KAT5: variants seen among roughly 807,000 people sequenced by gnomAD.
KAT5 encodes lysine acetyltransferase 5, also known as histone acetyltransferase KAT5.
In KAT5, 31 loss-of-function variants were observed where a neutral mutation model predicts 68.1. The observed-to-expected ratio is 0.46, with a 90% CI of 0.34 to 0.61. The LOEUF is 0.61. Ranked by LOEUF, KAT5 falls within the 20% of genes least tolerant of loss-of-function variation. The pLI is 0.01. For synonymous variants in KAT5, 365 were observed against 292.6 expected, an observed-to-expected ratio of 1.25 and a Z score of -2.52; for missense variants, 451 against 725.5, an observed-to-expected ratio of 0.62 and a Z score of 4.35.
At chr11:65,714,078 C>G (rs913004753) in intron 6 of KAT5, 7 of 562,240 alleles carry the variant, frequency 1.2e-5, no homozygotes, top group African/African-American at 1.1e-4. Flanking sequence ...GCTGGTGGAT[C>G]ACCTGAGGTC....
chr11:65,714,160 G>A (rs562608020), intron 6 of KAT5: 36 of 506,202 alleles, frequency 7.1e-5, no homozygotes, highest in Non-Finnish European at 1.1e-4. Flanking sequence ...TTAGCCAGGC[G>A]TGGTGGCGGG....
chr11:65,718,546 C>T (rs1235253878), intron 10 of KAT5, 44 bp from the exon 11 acceptor site: 3 of 1,584,634 alleles, frequency 1.9e-6, no homozygotes, highest in Admixed American at 1.8e-5. Flanking sequence ...TGCTTATGTT[C>T]ATCTGTGACC....
chr11:65,712,734 G>C, intron 1 of KAT5, 32 bp from the exon 2 acceptor site: 3 of 1,612,470 alleles, frequency 1.9e-6, no homozygotes, highest in Non-Finnish European at 2.5e-6. Context: ...AGCCTGGCCT[G>C]TCTAAGGCCC....
At position 65,718,721 on chromosome 11, in the gene KAT5, A is replaced by T. The variant is rs780551642; in HGVS notation, c.1396A>T (p.Ser466Cys). 6.2e-7 allele frequency: 1 copy of T among 1,614,054 alleles called. No homozygotes were observed. The highest frequency in any genetic ancestry group is 2.2e-5 in the East Asian group (1 of 44,874). ...LEILMGLKSE[S>C]GERPQITINE... ...GATCCTGATGGGGCTGAAGTCGGAG[A>T]GCGGGGAGAGGCCACAGATCACCAT... The change falls in exon 11 of 13, where the codon AGC (serine) becomes TGC (cysteine). Residue 466 changes from serine (S) to cysteine (C), a missense_variant. Ser to Cys is a moderately radical substitution (Grantham distance 112). Coordinates refer to ENST00000341318, the MANE Select transcript of KAT5 (RefSeq NM_182710.3).
At position 65,712,912 on chromosome 11, in the gene KAT5, AC is replaced by A. The variant is rs1446143196; in HGVS notation, c.248-9del. On this transcript the variant is annotated splice_polypyrimidine_tract_variant and intron_variant, in intron 2 of 12. Coordinates refer to ENST00000341318, the MANE Select transcript of KAT5 (RefSeq NM_182710.3). Reference sequence around the variant, plus strand: ...TGGCATTCTGTCCTGAGCCATCCCCACTGCTACAGTCAACAAACGTCTGGAT... The same window carrying A: ...TGGCATTCTGTCCTGAGCCATCCCCATGCTACAGTCAACAAACGTCTGGAT... The A allele has an allele frequency of 3.7e-6, 6 of 1,614,024 alleles. No individual in the cohort carries two copies. The highest frequency in any genetic ancestry group is 5.1e-6 in the Non-Finnish European group (6 of 1,180,020).
rs1358265926 is a variant in KAT5 at position 65,719,429 on chromosome 11, A to G, written c.*248A>G. ...TCTGAAGCAGGGACCAGAGGGAGCCAGGCAGCTGTGTACAGTGAGAAGGGA... is the reference window on the plus strand; with the variant it reads ...TCTGAAGCAGGGACCAGAGGGAGCCGGGCAGCTGTGTACAGTGAGAAGGGA... On this transcript the variant is annotated 3_prime_UTR_variant, in exon 13 of 13. Coordinates refer to ENST00000341318, the MANE Select transcript of KAT5 (RefSeq NM_182710.3). 4 of 605,884 alleles carry G rather than the reference A, an allele frequency of 6.6e-6. No homozygotes were observed. Among genetic ancestry groups the G allele is most frequent in the Non-Finnish European group, 1.2e-5 (4 of 343,212 alleles). 37.5% of individuals were successfully genotyped at this position (605,884 alleles called of 1,614,324 possible).
At position 65,712,309 on chromosome 11, in the gene KAT5, G is replaced by A. The variant is rs780525439; in HGVS notation, c.42G>A (p.Arg14=). 1.2e-4 allele frequency: 178 copies of A among 1,468,600 alleles called. No individual in the cohort carries two copies. Among genetic ancestry groups the A allele is most frequent in the Non-Finnish European group, 1.6e-4 (174 of 1,114,128 alleles). 91.0% of individuals were successfully genotyped at this position (1,468,600 alleles called of 1,614,324 possible). ...GTCCGGTGCCCGGGGCGGGGCGGAG[G>A]GAGCCAGGGGAGGTGGGTAGAGCCC... The part of the protein sequence containing the change: ...VVSPVPGAGR[R]EPGEVGRARG... The change falls in exon 1 of 13, where the codon AGG becomes AGA. Residue 14 remains arginine, a synonymous_variant. Coordinates refer to ENST00000341318, the MANE Select transcript of KAT5 (RefSeq NM_182710.3).
intron 1 of KAT5, 157 bp downstream of exon 1, chr11:65,712,602 A>G: frequency 8.3e-7 from 1 of 1,208,346 alleles, no homozygotes; most frequent in East Asian, 2.4e-5. Flanking sequence ...CGAGAGGTAC[A>G]GGGCGGGGCC....
chr11:65,719,121 G>T lies in KAT5; in HGVS notation c.1581G>T (p.Arg527=). ...HERAMLKRLL[R]IDSKCLHFTP... is the part of the protein sequence containing the mutation. Reference sequence around the variant, plus strand: ...GGGCCATGCTCAAGCGGCTCCTGCGGATCGACTCCAAGTGTCTGCACTTCA... The same window carrying T: ...GGGCCATGCTCAAGCGGCTCCTGCGTATCGACTCCAAGTGTCTGCACTTCA... Residue 527 remains arginine, a synonymous_variant, in exon 13 of 13, where the codon CGG becomes CGT. Transcript: ENST00000341318. The T allele has an allele frequency of 6.2e-7, 1 of 1,614,206 alleles. No homozygotes were observed. Among genetic ancestry groups the T allele is most frequent in the East Asian group, 2.2e-5 (1 of 44,878 alleles).
At chr11:65,714,251 C>T (rs988642267) in intron 6 of KAT5, 10 of 567,388 alleles carry the variant, frequency 1.8e-5, no homozygotes, top group Admixed American at 6.2e-5. Context: ...GCCAAGATCG[C>T]GCTACTGCCC....
chr11:65,717,850 G>C (rs1857254870), intron 10 of KAT5: 2 of 152,558 alleles, frequency 1.3e-5, no homozygotes, highest in African/African-American at 4.8e-5. Flanking sequence ...CATTATGAGG[G>C]TGAGGAAGGG....
At chr11:65,713,533 TTC>T in intron 4 of KAT5, 30 bp downstream of exon 4, 1 of 1,614,078 alleles carries the variant, frequency 6.2e-7, no homozygotes, top group Non-Finnish European at 8.5e-7. Flanking sequence ...GGACCTTGCT[TTC>T]TTCTCAGGTC....
chr11:65,716,944 A>G lies in KAT5; in HGVS notation c.1226A>G (p.Tyr409Cys). The change falls in exon 10 of 13, where the codon TAC (tyrosine) becomes TGC (cysteine). Residue 409 changes from tyrosine to cysteine, a missense_variant. By Grantham distance (194) the Tyr-to-Cys change is radical. Around this residue, in one of 4 missense-constraint regions of KAT5, gnomAD observed 210 missense variants for 423.7 expected, o/e 0.50. Coordinates refer to ENST00000341318, the MANE Select transcript of KAT5 (RefSeq NM_182710.3). Reference protein sequence around the residue: ...NVACILTLPPYQRRGYGKLLI... With the variant: ...NVACILTLPPCQRRGYGKLLI... ...GCCTGCATCCTAACCCTGCCTCCCT[A>G]CCAGCGCCGGGGCTACGGCAAGCTG... 2 of 1,614,050 alleles carry G rather than the reference A, an allele frequency of 1.2e-6. No individual in the cohort carries two copies. The highest frequency in any genetic ancestry group is 1.3e-5 in the African/African-American group (1 of 75,010).
In KAT5 at chr11:65,719,380, A is replaced by T; in HGVS notation, c.*199A>T. The T allele has an allele frequency of 1.5e-6, 1 of 658,002 alleles. No homozygotes were observed. Among genetic ancestry groups the T allele is most frequent in the Non-Finnish European group, 2.6e-6 (1 of 389,936 alleles). The allele number at this position is 658,002 out of a possible 1,614,324, so 40.8% of individuals were successfully genotyped here. A position where few individuals can be genotyped will look rare whatever the true frequency, so the allele number is the denominator to read the frequency against. On this transcript the variant is annotated 3_prime_UTR_variant, in exon 13 of 13. Transcript: ENST00000341318. ...CCGGGCTCAGACCAACTCCAAGGTC[A>T]GCTGGCCACAGGCCCAGGCCTCCTC...
intron 1 of KAT5, 130 bp from the exon 2 acceptor site, chr11:65,712,636 T>A: frequency 7.9e-7 from 1 of 1,268,414 alleles, no homozygotes; most frequent in Non-Finnish European, 1.1e-6. Context: ...CACTTGTGAC[T>A]GAAGGAGGCT....
At chr11:65,716,473 G>C in intron 8 of KAT5, 194 bp from the exon 9 acceptor site, 1 of 597,740 alleles carries the variant, frequency 1.7e-6, no homozygotes, top group Non-Finnish European at 3.0e-6. Context: ...CTGGCACACA[G>C]GCTTTTCAAC....
At position 65,719,550 on chromosome 11, in the gene KAT5, T is replaced by C; in HGVS notation, c.*369T>C. ...GTGGGGTGGGTGCTGGCTGCAAAAA[T>C]TTCTGGCTTCTCTTACCCCTATTGC... is the stretch of plus-strand genomic sequence containing the variant. On this transcript the variant is annotated 3_prime_UTR_variant, in exon 13 of 13. Coordinates refer to ENST00000341318, the MANE Select transcript of KAT5 (RefSeq NM_182710.3). The C allele has an allele frequency of 1.6e-6, 1 of 621,848 alleles. No individual in the cohort carries two copies. The highest frequency in any genetic ancestry group is 1.8e-5 in the African/African-American group (1 of 54,272). 38.5% of individuals were successfully genotyped at this position (621,848 alleles called of 1,614,324 possible). A position where few individuals can be genotyped will look rare whatever the true frequency, so the allele number is the denominator to read the frequency against.
intron 3 of KAT5, 131 bp downstream of exon 3, chr11:65,713,189 C>G: frequency 7.5e-7 from 1 of 1,339,184 alleles, no homozygotes; most frequent in Non-Finnish European, 1.0e-6. Context: ...GGATGGGGGC[C>G]AAATTGCACA....
At position 65,713,457 on chromosome 11, in the gene KAT5, AGCC is replaced by A; in HGVS notation, c.497_499del (p.Pro166del). The A allele has an allele frequency of 6.2e-7, 1 of 1,614,078 alleles. No individual in the cohort carries two copies. Among genetic ancestry groups the A allele is most frequent in the Non-Finnish European group, 8.5e-7 (1 of 1,179,996 alleles). ...GCCATTCCCGGTGGCGAGCCTGACC[AGCC>A]GCTCTCCTCCAGCTCCTGCCTGCAG... On this transcript the variant is annotated inframe_deletion, in exon 4 of 13. Coordinates refer to ENST00000341318, the MANE Select transcript of KAT5 (RefSeq NM_182710.3).
Sources: gnomAD v4.1 joint callset for allele counts on GRCh38, gnomAD v4.1.1 for gene constraint, gnomAD v4.1.1 regional missense constraint, MANE v1.5 for transcripts, NCBI Gene and HGNC (gene_info 2026-07-23, HGNC 2026-07-21) for gene names.